ARNT: variants seen among roughly 807,000 people sequenced by gnomAD.
The protein encoded by ARNT is aryl hydrocarbon receptor nuclear translocator, also known as class E basic helix-loop-helix protein 2.
Under a neutral mutation model 105.0 loss-of-function variants are expected in ARNT, and 30 were observed. The observed-to-expected ratio is 0.29, with a 90% CI of 0.21 to 0.39. The LOEUF (loss-of-function observed/expected upper bound fraction) is 0.39, where lower values mean the gene tolerates loss of function less well. ARNT is among the 10% of genes least tolerant of loss of function. ARNT has a pLI of 1.00. For missense variants in ARNT, 748 were observed against 978.7 expected (o/e 0.76, Z 3.15); for synonymous variants, 304 against 344.0 (o/e 0.88, Z 1.29).
chr1:150,844,534 G>A (rs1661826212), intron 4 of ARNT, among the ~76,000 whole-genome samples: 3 of 152,150 alleles, frequency 2.0e-5, no homozygotes, highest in African/African-American at 7.2e-5. Flanking sequence ...CCGAGACCAG[G>A]AGCATCAGCA....
At chr1:150,874,349 G>A (rs1009900174) in intron 1 of ARNT, among the ~76,000 whole-genome samples, 1 of 152,186 alleles carries the variant, frequency 6.6e-6, no homozygotes, top group African/African-American at 2.4e-5. Context: ...TGATTGAACT[G>A]AACATGGGAT....
chr1:150,834,943 G>A (rs1660030540), intron 7 of ARNT: 1 of 315,258 alleles, frequency 3.2e-6, no homozygotes, highest in Non-Finnish European at 6.3e-6. Flanking sequence ...CTGATTATCT[G>A]TATACACATA....
chr1:150,858,564 C>A, intron 1 of ARNT, 104 bp from the exon 2 acceptor site: 2 of 914,516 alleles, frequency 2.2e-6, no homozygotes, highest in Non-Finnish European at 3.3e-6. Context: ...TAGACAAAAT[C>A]TCAGCAGTTT....
At chr1:150,871,294 G>GTTTT (rs754698911) in intron 1 of ARNT, among the ~76,000 whole-genome samples, 26 of 94,676 alleles carry the variant, frequency 2.7e-4, no homozygotes, top group Admixed American at 1.0e-3. Flanking sequence ...GGCAGTCGTG[G>GTTTT]TTTTTTTTTT....
At chr1:150,854,867 AAAAAAAAAAAGGG>A (rs1664302103) in intron 2 of ARNT, among the ~76,000 whole-genome samples, 2 of 151,542 alleles carry the variant, frequency 1.3e-5, no homozygotes, top group African/African-American at 2.4e-5. Flanking sequence ...CAAAAAAAAA[AAAAAAAAAAAGGG>A]AAGGGGAAAG....
At chr1:150,839,208 A>G (rs187938786) in intron 6 of ARNT, among the ~76,000 whole-genome samples, 1 of 152,348 alleles carries the variant, frequency 6.6e-6, no homozygotes, top group Admixed American at 6.5e-5. Flanking sequence ...TATATGCTAT[A>G]TTCATGAGTC....
Position 150,834,639 on chromosome 1 carries a change from C to A in ARNT, c.702G>T (p.Gly234=), listed in dbSNP as rs773003428. 2 of 1,613,654 alleles carry A rather than the reference C, an allele frequency of 1.2e-6. No homozygotes were observed. Among genetic ancestry groups the A allele is most frequent in the East Asian group, 2.2e-5 (1 of 44,854 alleles). Residue 234 remains glycine (G), a splice_region_variant and synonymous_variant, in exon 8 of 22, where the codon GGG becomes GGT. Coordinates refer to ENST00000358595, the MANE Select transcript of ARNT (RefSeq NM_001668.4). The stretch of plus-strand genomic sequence containing the variant: ...TTCCAGTCTTTAGATCCAGGATACG[C>A]CCTGAAGGAAGATGTGAAGAGCAGT... ...QLSTSENALT[G]RILDLKTGTV...
chr1:150,834,556 G>T lies in ARNT; in HGVS notation c.785C>A (p.Ser262Ter). The T allele has an allele frequency of 1.2e-6, 2 of 1,613,742 alleles. No homozygotes were observed. The highest frequency in any genetic ancestry group is 1.1e-5 in the South Asian group (1 of 91,060). The change falls in exon 8 of 22, where the codon TCG becomes TAG. Residue 262 changes from serine (S) to a stop codon, truncating the protein, a stop_gained. Coordinates refer to ENST00000358595, the MANE Select transcript of ARNT (RefSeq NM_001668.4). LOFTEE classifies it high-confidence loss of function. Reference sequence around the variant, plus strand: ...CACTCACCTCATTCGGCAAATAAACGATCTCCTTGAGCCCATACACATTCT... The same window carrying T: ...CACTCACCTCATTCGGCAAATAAACTATCTCCTTGAGCCCATACACATTCT... ...SMRMCMGSRRSFICRMRCGSS... is the reference protein window; with the variant it reads ...SMRMCMGSRR
intron 12 of ARNT, among the ~76,000 whole-genome samples, chr1:150,827,699 T>C (rs1658558177): frequency 6.6e-6 from 1 of 152,208 alleles, no homozygotes. Flanking sequence ...AGGAATAAAA[T>C]TGCTAGGTTA....
intron 5 of ARNT, 70 bp downstream of exon 5, chr1:150,842,354 A>G: frequency 6.4e-7 from 1 of 1,564,854 alleles, no homozygotes; most frequent in Non-Finnish European, 8.6e-7. Context: ...GAAGAAAAGA[A>G]AGAGTAAGAA....
chr1:150,817,375 A>G lies in ARNT; in HGVS notation c.1564T>C (p.Tyr522His). ...MVPGRDGLAS[Y>H]NHSQVVQPVT... The stretch of plus-strand genomic sequence containing the variant: ...ACACAACTCACCTGGGAATGATTGT[A>G]GCTGGCCAGTCCATCTCTTCCTGGT... Residue 522 changes from tyrosine to histidine, a missense_variant, in exon 16 of 22, where the codon TAC becomes CAC. Around this residue, in one of 4 missense-constraint regions of ARNT, gnomAD observed 360 missense variants for 411.9 expected, o/e 0.87. Coordinates refer to ENST00000358595, the MANE Select transcript of ARNT (RefSeq NM_001668.4). 2 of 1,614,252 alleles carry G rather than the reference A, an allele frequency of 1.2e-6. No homozygotes were observed. Among genetic ancestry groups the G allele is most frequent in the Non-Finnish European group, 1.7e-6 (2 of 1,180,036 alleles).
At chr1:150,842,578 G>GAA in intron 4 of ARNT, 110 bp from the exon 5 acceptor site, 1 of 705,020 alleles carries the variant, frequency 1.4e-6, no homozygotes, top group Non-Finnish European at 2.3e-6. Flanking sequence ...AATGGAGGGA[G>GAA]AAAAAAAAAG....
At chr1:150,817,244 A>G (rs780314849) in intron 16 of ARNT, 42 bp from the exon 17 acceptor site, 5 of 1,613,116 alleles carry the variant, frequency 3.1e-6, no homozygotes, top group Non-Finnish European at 4.2e-6. Flanking sequence ...AAGATTTAAC[A>G]TGACAATTCA....
rs1208648072 is a variant in ARNT, at chr1:150,810,912, T to C, written c.*1109A>G. 1 of 226,730 alleles carries C rather than the reference T, an allele frequency of 4.4e-6. No individual in the cohort carries two copies. Among genetic ancestry groups the C allele is most frequent in the Non-Finnish European group, 8.8e-6 (1 of 113,736 alleles). The allele number at this position is 226,730 out of a possible 1,614,324, so 14.0% of individuals were successfully genotyped here. A position where few individuals can be genotyped will look rare whatever the true frequency, so the allele number is the denominator to read the frequency against. On this transcript the variant is annotated 3_prime_UTR_variant, in exon 22 of 22. Coordinates refer to ENST00000358595, the MANE Select transcript of ARNT (RefSeq NM_001668.4). ...TAAACTGGGTATTTTGAGTATGGGA[T>C]GAAAGAGGCTACTTTGCAAGAGGGC...
intron 6 of ARNT, 163 bp downstream of exon 6, chr1:150,839,278 T>C (rs1660851949): frequency 1.5e-6 from 1 of 657,838 alleles, no homozygotes; most frequent in Non-Finnish European, 2.6e-6. Flanking sequence ...TCTTCTCTAC[T>C]TCTCATTGTC....
At chr1:150,821,037 T>C (rs1366836784) in intron 14 of ARNT, among the ~76,000 whole-genome samples, 1 of 152,238 alleles carries the variant, frequency 6.6e-6, no homozygotes, top group Non-Finnish European at 1.5e-5. Flanking sequence ...GTACGTATTA[T>C]GTACTGTATT....
intron 1 of ARNT, chr1:150,861,329 CA>C (rs139885151): frequency 3.9e-3 from 1,400 of 361,852 alleles, no homozygotes; most frequent in South Asian, 5.0e-3. Context: ...GACAACATCG[CA>C]AAAAAAAAAT....
At chr1:150,853,307 A>G in intron 2 of ARNT, 1 of 357,728 alleles carries the variant, frequency 2.8e-6, no homozygotes, top group Non-Finnish European at 5.5e-6. Context: ...AAAACTGGGC[A>G]ATAGAAACAA....
rs750295915 is a variant in ARNT at position 150,832,355 on chromosome 1, C to G, written c.848G>C (p.Ser283Thr). Residue 283 changes from serine (S) to threonine (T), a missense_variant, in exon 9 of 22, where the codon AGC (serine) becomes ACC (threonine). Transcript: ENST00000358595. ...TCACCTGCATCTGTTCCTCACAAAG[C>G]TCAGCCTATTCACAGAAACTGGGTC... ...SVDPVSVNRL[S>T]FVRNRCRNGL... The G allele has an allele frequency of 4.3e-6, 7 of 1,614,110 alleles. No homozygotes were observed. Among genetic ancestry groups the G allele is most frequent in the Non-Finnish European group, 5.1e-6 (6 of 1,180,008 alleles).
Sources: gnomAD v4.1 joint callset for allele counts (sites outside exome capture counted in the v4.1 genomes callset) on GRCh38, gnomAD v4.1.1 for gene constraint, gnomAD v4.1.1 regional missense constraint, MANE v1.5 for transcripts, NCBI Gene and HGNC (gene_info 2026-07-23, HGNC 2026-07-21) for gene names.